CSMD1: variants seen among roughly 807,000 people sequenced by gnomAD.
The protein encoded by CSMD1 is CUB and Sushi multiple domains 1, also known as CUB and sushi domain-containing protein 1.
In CSMD1, 213 loss-of-function variants were observed where a neutral mutation model predicts 417.5. The observed-to-expected ratio is 0.51, with a 90% CI of 0.46 to 0.57. The LOEUF (loss-of-function observed/expected upper bound fraction) is 0.57. Among genes scored for constraint, CSMD1 ranks in the 20% least tolerant of loss-of-function variants. The pLI is 0.00. For missense variants in CSMD1, 6,923 were observed against 4,529.7 expected, an observed-to-expected ratio of 1.53 and a Z score of -15.17; for synonymous variants, 2,862 against 1,736.8, an observed-to-expected ratio of 1.65 and a Z score of -16.11.
chr8:4,808,587 G>A (rs1404961302), intron 1 of CSMD1, among the ~76,000 whole-genome samples: 3 of 152,168 alleles, frequency 2.0e-5, no homozygotes, highest in East Asian at 1.9e-4. Flanking sequence ...CATAATGGGT[G>A]TGATACTAAT....
At chr8:3,560,614 G>C (rs565223381) in intron 10 of CSMD1, among the ~76,000 whole-genome samples, 1 of 152,126 alleles carries the variant, frequency 6.6e-6, no homozygotes, top group South Asian at 2.1e-4. Context: ...AGAGAAAAGG[G>C]GGAATGAGAT....
At chr8:4,652,628 G>A (rs1803971315) in intron 1 of CSMD1, among the ~76,000 whole-genome samples, 1 of 151,910 alleles carries the variant, frequency 6.6e-6, no homozygotes, top group African/African-American at 2.4e-5. Flanking sequence ...CCACAGCCTG[G>A]AGACAGAGAG....
chr8:4,028,643 C>A (rs1177223981), intron 4 of CSMD1, among the ~76,000 whole-genome samples: 1 of 152,126 alleles, frequency 6.6e-6, no homozygotes, highest in South Asian at 2.1e-4. Flanking sequence ...GATTAAAAGC[C>A]AGACTTGTGT....
intron 6 of CSMD1, among the ~76,000 whole-genome samples, chr8:3,721,331 T>C (rs1022007334): frequency 6.6e-6 from 1 of 152,184 alleles, no homozygotes; most frequent in Non-Finnish European, 1.5e-5. Flanking sequence ...TGTGTGTGGC[T>C]GTGGATTTTT....
intron 7 of CSMD1, among the ~76,000 whole-genome samples, chr8:3,670,095 G>T (rs1181388629): frequency 6.6e-6 from 1 of 152,128 alleles, no homozygotes; most frequent in Non-Finnish European, 1.5e-5. Context: ...TTGGATTAAA[G>T]GATGCAAAGT....
chr8:3,755,246 G>C (rs1386460736), intron 5 of CSMD1, among the ~76,000 whole-genome samples: 1 of 152,126 alleles, frequency 6.6e-6, no homozygotes, highest in Admixed American at 6.5e-5. Context: ...CTTTGTGCTA[G>C]GTGAAGCAAC....
intron 1 of CSMD1, among the ~76,000 whole-genome samples, chr8:4,664,401 G>C (rs957296193): frequency 1.3e-5 from 2 of 151,936 alleles, no homozygotes; most frequent in Non-Finnish European, 2.9e-5. Context: ...GTCTACAGTA[G>C]AAACGAAAAT....
At chr8:3,638,842 G>A (rs887892873) in intron 7 of CSMD1, among the ~76,000 whole-genome samples, 1 of 152,116 alleles carries the variant, frequency 6.6e-6, no homozygotes, top group Non-Finnish European at 1.5e-5. Context: ...TCTCCAGGAA[G>A]ATACCCTGGA....
At chr8:3,952,682 T>G (rs1053525795) in intron 5 of CSMD1, among the ~76,000 whole-genome samples, 2 of 152,212 alleles carry the variant, frequency 1.3e-5, no homozygotes, top group Admixed American at 1.3e-4. Context: ...GAGATATTAT[T>G]GTTGCACAGC....
In CSMD1 at chr8:3,087,148, G is replaced by C. The variant is rs1313572081; in HGVS notation, c.7423C>G (p.Arg2475Gly). 3 of 1,613,694 alleles carry C rather than the reference G, an allele frequency of 1.9e-6. No individual in the cohort carries two copies. The highest frequency in any genetic ancestry group is 2.5e-6 in the Non-Finnish European group (3 of 1,179,898). Residue 2475 changes from arginine to glycine, a missense_variant, in exon 49 of 70, where the codon CGA (arginine) becomes GGA (glycine). Coordinates refer to ENST00000635120, the MANE Select transcript of CSMD1 (RefSeq NM_033225.6). ...CACTGGTACATGCCAAGTGGGTTTC[G>C]TCTACAGGTTGCATTGCTGTGGCCG... is the stretch of plus-strand genomic sequence containing the variant. ...MVGHSNATCRRNPLGMYQWDS... is the reference protein window; with the variant it reads ...MVGHSNATCRGNPLGMYQWDS...
intron 39 of CSMD1, 130 bp from the exon 40 acceptor site, chr8:3,151,643 C>T: frequency 3.2e-6 from 2 of 629,130 alleles, no homozygotes; most frequent in South Asian, 1.9e-5. Context: ...CTAATTACAG[C>T]ACACGATACA....
intron 3 of CSMD1, among the ~76,000 whole-genome samples, chr8:4,117,568 A>G (rs1478793497): frequency 2.0e-5 from 3 of 152,216 alleles, no homozygotes; most frequent in African/African-American, 7.2e-5. Flanking sequence ...AATAGCAGCT[A>G]CAATAAATGA....
chr8:4,113,936 T>A (rs184260023), intron 3 of CSMD1, among the ~76,000 whole-genome samples: 3 of 152,282 alleles, frequency 2.0e-5, no homozygotes, highest in African/African-American at 7.2e-5. Context: ...TCATAAGATT[T>A]AAGAAAAGAA....
At chr8:4,203,487 T>C (rs1441172617) in intron 3 of CSMD1, among the ~76,000 whole-genome samples, 1 of 152,178 alleles carries the variant, frequency 6.6e-6, no homozygotes, top group Non-Finnish European at 1.5e-5. Flanking sequence ...AAAACATGTT[T>C]ATTCTCGATG....
intron 1 of CSMD1, among the ~76,000 whole-genome samples, chr8:4,791,292 C>G (rs1300967791): frequency 6.6e-6 from 1 of 152,170 alleles, no homozygotes; most frequent in Non-Finnish European, 1.5e-5. Context: ...GAAGGTGGGC[C>G]TCTTTCCATA....
intron 2 of CSMD1, among the ~76,000 whole-genome samples, chr8:4,546,916 C>T (rs1020599931): frequency 6.6e-6 from 1 of 152,072 alleles, no homozygotes; most frequent in Non-Finnish European, 1.5e-5. Context: ...CACACCATCC[C>T]TGAGATGTTG....
chr8:3,731,362 A>G (rs1056188336), intron 6 of CSMD1, among the ~76,000 whole-genome samples: 1 of 152,202 alleles, frequency 6.6e-6, no homozygotes, highest in South Asian at 2.1e-4. Flanking sequence ...ATTTTAGTGG[A>G]AGTTCAGGCT....
intron 5 of CSMD1, among the ~76,000 whole-genome samples, chr8:3,845,810 C>G (rs1803466248): frequency 6.6e-6 from 1 of 151,698 alleles, no homozygotes; most frequent in Non-Finnish European, 1.5e-5. Context: ...TATTTTTATT[C>G]TATGTGCTTT....
chr8:4,205,018 G>C (rs1361152195), intron 3 of CSMD1, among the ~76,000 whole-genome samples: 2 of 152,050 alleles, frequency 1.3e-5, no homozygotes, highest in Non-Finnish European at 2.9e-5. Context: ...TCTTTCTCAT[G>C]TATTCAAGCA....
Sources: gnomAD v4.1 joint callset for allele counts (sites outside exome capture counted in the v4.1 genomes callset) on GRCh38, gnomAD v4.1.1 for gene constraint, MANE v1.5 for transcripts, NCBI Gene and HGNC (gene_info 2026-07-23, HGNC 2026-07-21) for gene names.